The following CDC42SE2 variants were observed in gnomAD, a reference collection of about 807,000 sequenced individuals.
The protein encoded by CDC42SE2 is CDC42 small effector 2.
A neutral mutation model predicts 11.5 loss-of-function variants in CDC42SE2; 3 were observed. That is an observed-to-expected ratio of 0.26 (90% CI 0.12 to 0.67). CDC42SE2 has a LOEUF of 0.67. CDC42SE2 is among the 30% of genes least tolerant of loss of function. The pLI is 0.80. For missense variants in CDC42SE2, 82 were observed against 106.8 expected, an observed-to-expected ratio of 0.77 and a Z score of 1.02; for synonymous variants, 33 against 34.8, an observed-to-expected ratio of 0.95 and a Z score of 0.18.
chr5:131,281,714 T>C (rs1314392336), intron 1 of CDC42SE2, among the ~76,000 whole-genome samples: 2 of 152,176 alleles, frequency 1.3e-5, no homozygotes, highest in African/African-American at 4.8e-5. Flanking sequence ...TTTTCCATAG[T>C]CATTTAGCTT....
chr5:131,312,716 G>A lies in CDC42SE2; in HGVS notation c.-454-3260G>A, dbSNP rs564642578. Among the ~76,000 whole-genome samples the A allele has an allele frequency of 4.6e-5, 7 of 152,292 alleles. No homozygotes were observed. In the East Asian group the frequency reaches 5.8e-4, roughly 13 times the overall value. On this transcript the variant is annotated intron_variant, in intron 1 of 4. Transcript: ENST00000505065. ...TGACCCGATTTTCCAGGTGCCGTCC[G>A]TCACCCCTTTCTTTGACTAGGAAAG...
chr5:131,348,295 T>A (rs10075554), intron 2 of CDC42SE2, among the ~76,000 whole-genome samples: 8,772 of 152,204 alleles, frequency 0.058, 459 homozygotes, highest in African/African-American at 0.14. Context: ...ACTTCAGCAA[T>A]GTCTCACGAT....
intron 2 of CDC42SE2, among the ~76,000 whole-genome samples, chr5:131,319,920 G>A (rs1041056824): frequency 6.6e-6 from 1 of 151,128 alleles, no homozygotes; most frequent in Non-Finnish European, 1.5e-5. Context: ...GCGTGGTGGC[G>A]GGTGCCTGTA....
At chr5:131,291,968 G>A (rs1757465576) in intron 1 of CDC42SE2, among the ~76,000 whole-genome samples, 1 of 152,248 alleles carries the variant, frequency 6.6e-6, no homozygotes, top group Non-Finnish European at 1.5e-5. Flanking sequence ...CTTTGGCTGG[G>A]TGTGGTGGCT....
chr5:131,345,771 G>A (rs201380269), intron 2 of CDC42SE2, among the ~76,000 whole-genome samples: 3 of 146,456 alleles, frequency 2.0e-5, no homozygotes, highest in African/African-American at 2.5e-5. Context: ...TACCCACAAA[G>A]GGAAGCCCAT....
chr5:131,352,810 A>G lies in CDC42SE2; in HGVS notation c.-285-6399A>G, dbSNP rs528033062. ...TCATTGATTAATGTTTGCATTTCTG[A>G]CAGAAACCTCTTTGGCATCTGATGG... On this transcript the variant is annotated intron_variant, in intron 2 of 4. Transcript: ENST00000505065. Among the ~76,000 whole-genome samples the G allele has an allele frequency of 2.6e-5, 4 of 152,280 alleles. No individual in the cohort carries two copies. In the East Asian group the frequency reaches 7.7e-4, roughly 29 times the overall value.
chr5:131,211,553 T>C, the CDC42SE2 span, among the ~76,000 whole-genome samples: 1 of 152,234 alleles, frequency 6.6e-6, no homozygotes, highest in Middle Eastern at 3.2e-3. Flanking sequence ...TGGGTACATC[T>C]TGAATGGCAA....
At position 131,299,567 on chromosome 5, in the gene CDC42SE2, T is replaced by C. The variant is rs553856215; in HGVS notation, c.-454-16409T>C. On this transcript the variant is annotated intron_variant, in intron 1 of 4. Coordinates refer to ENST00000505065, the MANE Select transcript of CDC42SE2 (RefSeq NM_001375635.1). ...GGGTAATGGTAAGAAAGAAGCAGAG[T>C]TGAGTTAAGAAGCAGGGTTCAGTAA... 9.9e-5 allele frequency among the ~76,000 whole-genome samples: 15 copies of C among 151,850 alleles called. No homozygotes were observed. In the South Asian group the frequency reaches 3.1e-3, roughly 32 times the overall value.
rs35818778 is a variant in CDC42SE2, at chr5:131,342,388, C to CTTTTTTTTTTTTTTTT, written c.-285-16817_-285-16802dup. Among the ~76,000 whole-genome samples the CTTTTTTTTTTTTTTTT allele has an allele frequency of 3.5e-3, 385 of 111,284 alleles. 43 individuals carry two copies. The highest frequency in any genetic ancestry group is 0.015 in the African/African-American group (329 of 22,552). 73.0% of individuals were successfully genotyped at this position (111,284 alleles called of 152,430 possible). On this transcript the variant is annotated intron_variant, in intron 2 of 4. Transcript: ENST00000505065. ...TCAGAGATTTGCCATTTTTAATAGT[C>CTTTTTTTTTTTTTTTT]TTTTTTTTTTTTTTTTTTTAAGATA...
intron 1 of CDC42SE2, among the ~76,000 whole-genome samples, chr5:131,280,294 C>G (rs1272118025): frequency 6.6e-6 from 1 of 152,152 alleles, no homozygotes; most frequent in Admixed American, 6.5e-5. Flanking sequence ...AGTTTTAATC[C>G]TACCACCCTA....
chr5:131,256,827 G>GA (rs756317953), intron 2 of CDC42SE2, among the ~76,000 whole-genome samples: 4 of 152,200 alleles, frequency 2.6e-5, no homozygotes, highest in Non-Finnish European at 5.9e-5. Context: ...ATCAGCCAGA[G>GA]AAAACTCTTC....
chr5:131,376,445 G>A (rs957542023), intron 3 of CDC42SE2, among the ~76,000 whole-genome samples: 1 of 152,070 alleles, frequency 6.6e-6, no homozygotes, highest in African/African-American at 2.4e-5. Flanking sequence ...TATCTTATAA[G>A]TACTCTTTAT....
At chr5:131,381,898 C>T (rs1750338369) in intron 3 of CDC42SE2, among the ~76,000 whole-genome samples, 1 of 152,170 alleles carries the variant, frequency 6.6e-6, no homozygotes, top group South Asian at 2.1e-4. Flanking sequence ...CTGGTTCTTG[C>T]TTATCTTACT....
At position 131,391,097 on chromosome 5, in the gene CDC42SE2, G is replaced by T; in HGVS notation, c.*6G>T. 1 of 1,609,240 alleles carries T rather than the reference G, an allele frequency of 6.2e-7. No homozygotes were observed. The highest frequency in any genetic ancestry group is 8.5e-7 in the Non-Finnish European group (1 of 1,176,492). ...TGGATACGAAGGCGGGATAGCCCTG[G>T]TCCTTTCTCCAGTGAGTACTCAGAG... On this transcript the variant is annotated 3_prime_UTR_variant, in exon 5 of 5. Coordinates refer to ENST00000505065, the MANE Select transcript of CDC42SE2 (RefSeq NM_001375635.1).
chr5:131,310,568 A>T (rs1292843816), intron 1 of CDC42SE2, among the ~76,000 whole-genome samples: 3 of 151,188 alleles, frequency 2.0e-5, no homozygotes, highest in African/African-American at 4.9e-5. Context: ...CCCATTATTA[A>T]TGTGTGGGAG....
intron 1 of CDC42SE2, among the ~76,000 whole-genome samples, chr5:131,267,024 AAT>A (rs1442738381): frequency 3.4e-5 from 5 of 148,400 alleles, no homozygotes; most frequent in African/African-American, 1.2e-4. Flanking sequence ...GCTGCGTTAA[AAT>A]ATATTTTTCC....
intron 3 of CDC42SE2, among the ~76,000 whole-genome samples, chr5:131,368,819 A>C (rs2149778140): frequency 6.6e-6 from 1 of 152,288 alleles, no homozygotes; most frequent in Non-Finnish European, 1.5e-5. Flanking sequence ...TTTGTCCATA[A>C]ATATTTCAGT....
At chr5:131,328,675 T>G (rs1418991000) in intron 2 of CDC42SE2, among the ~76,000 whole-genome samples, 3 of 152,226 alleles carry the variant, frequency 2.0e-5, no homozygotes, top group Non-Finnish European at 4.4e-5. Context: ...ATAAGTTGTT[T>G]AGTGAGTCAT....
At chr5:131,362,975 T>C (rs1239122440) in intron 3 of CDC42SE2, among the ~76,000 whole-genome samples, 1 of 151,922 alleles carries the variant, frequency 6.6e-6, no homozygotes, top group African/African-American at 2.4e-5. Flanking sequence ...GGTGAAACCC[T>C]GTCTCTACTA....
Sources: gnomAD v4.1 joint callset for allele counts (sites outside exome capture counted in the v4.1 genomes callset) on GRCh38, gnomAD v4.1.1 for gene constraint, MANE v1.5 for transcripts, NCBI Gene and HGNC (gene_info 2026-07-23, HGNC 2026-07-21) for gene names.